Variants in TCERG1 observed in about 807,000 individuals in gnomAD.
TCERG1 encodes transcription elongation regulator 1, also known as TATA box binding protein (TBP)-associated factor, RNA polymerase II, S, 150kD.
A neutral mutation model predicts 144.7 loss-of-function variants in TCERG1; 37 were observed. That is an observed-to-expected ratio of 0.26 (90% CI 0.20 to 0.34). TCERG1 has a LOEUF of 0.34. Among genes scored for constraint, TCERG1 ranks in the 10% least tolerant of loss-of-function variants. TCERG1 has a pLI of 1.00. For missense variants in TCERG1, 1,027 were observed against 1,380.7 expected (o/e 0.74, Z 4.06); for synonymous variants, 492 against 458.2 (o/e 1.07, Z -0.94).
Position 146,459,319 on chromosome 5 carries a change from G to A in TCERG1, c.874G>A (p.Val292Ile). The change falls in exon 4 of 23, where the codon GTT becomes ATT. Residue 292 changes from valine (V) to isoleucine (I), a missense_variant. Around this residue, in one of 6 missense-constraint regions of TCERG1, gnomAD observed 187 missense variants for 169.1 expected, o/e 1.11. Transcript: ENST00000679501. The stretch of plus-strand genomic sequence containing the variant: ...TTCTACCACAACAACTGCTACTTCA[G>A]TTGCGCAGACAGTATCAAGTGAGTA... ...TTSTTTTATS[V>I]AQTVSTPTTQ... 1.9e-6 allele frequency: 3 copies of A among 1,614,152 alleles called. No individual in the cohort carries two copies. Among genetic ancestry groups the A allele is most frequent in the Non-Finnish European group, 2.5e-6 (3 of 1,179,992 alleles).
chr5:146,496,083 C>T (rs1484796990), intron 16 of TCERG1, among the ~76,000 whole-genome samples: 9 of 152,180 alleles, frequency 5.9e-5, no homozygotes, highest in Admixed American at 2.6e-4. Flanking sequence ...AACCTGGAGG[C>T]GGAGGTTGCA....
At chr5:146,463,436 C>G in intron 4 of TCERG1, 115 bp from the exon 5 acceptor site, 1 of 1,421,554 alleles carries the variant, frequency 7.0e-7, no homozygotes, top group South Asian at 1.4e-5. Context: ...AAATTTCTTG[C>G]AGTGCATAGA....
intron 22 of TCERG1, chr5:146,510,063 A>G (rs890861947): frequency 1.5e-6 from 2 of 1,291,484 alleles, no homozygotes; most frequent in South Asian, 1.2e-5. Flanking sequence ...CTACATTTTT[A>G]TAGTTAATTT....
intron 17 of TCERG1, chr5:146,499,547 C>T (rs1767243789): frequency 2.6e-5 from 4 of 152,138 alleles, no homozygotes. Context: ...AATTGTTTCA[C>T]TGTTTACTTA....
At chr5:146,474,266 C>A (rs1467899516) in intron 9 of TCERG1, among the ~76,000 whole-genome samples, 1 of 152,122 alleles carries the variant, frequency 6.6e-6, no homozygotes, top group East Asian at 1.9e-4. Flanking sequence ...TGAAGGAAGT[C>A]ACTGCAGATG....
chr5:146,453,431 G>T (rs945957871), intron 1 of TCERG1, among the ~76,000 whole-genome samples: 2 of 152,162 alleles, frequency 1.3e-5, no homozygotes, highest in South Asian at 4.1e-4. Flanking sequence ...TGAGGGTAAG[G>T]TATACCTATG....
intron 15 of TCERG1, among the ~76,000 whole-genome samples, chr5:146,490,110 T>C (rs1318780809): frequency 6.6e-6 from 1 of 152,204 alleles, no homozygotes; most frequent in Non-Finnish European, 1.5e-5. Flanking sequence ...TTTCTCCCTC[T>C]CTTCAGCATG....
intron 6 of TCERG1, among the ~76,000 whole-genome samples, chr5:146,469,039 G>A (rs1764044401): frequency 6.6e-6 from 1 of 152,008 alleles, no homozygotes; most frequent in African/African-American, 2.4e-5. Context: ...AGTAAACAAA[G>A]GGTATAAGGA....
Position 146,509,166 on chromosome 5 carries a change from G to A in TCERG1, c.3067G>A (p.Glu1023Lys). Residue 1023 changes from glutamate (E) to lysine (K), a missense_variant, in exon 22 of 23, where the codon GAA becomes AAA. Physicochemically the swap from Glu to Lys is moderately conservative, Grantham distance 56. Coordinates refer to ENST00000679501, the MANE Select transcript of TCERG1 (RefSeq NM_001382548.1). ...ACAGAAAAAACAAAGAGAATTTGAA[G>A]AATATATCAGAGACAAATATATCAC... ...SDRKKQREFEEYIRDKYITAK... is the reference protein window; with the variant it reads ...SDRKKQREFEKYIRDKYITAK... The A allele has an allele frequency of 6.3e-7, 1 of 1,582,700 alleles. No individual in the cohort carries two copies. The highest frequency in any genetic ancestry group is 8.6e-7 in the Non-Finnish European group (1 of 1,168,300).
chr5:146,496,452 T>G (rs1393917232), intron 16 of TCERG1, among the ~76,000 whole-genome samples: 1 of 152,194 alleles, frequency 6.6e-6, no homozygotes, highest in African/African-American at 2.4e-5. Flanking sequence ...CCTCTTTGGA[T>G]TAGATAATTG....
At chr5:146,451,990 G>T (rs1186489185) in intron 1 of TCERG1, among the ~76,000 whole-genome samples, 1 of 151,712 alleles carries the variant, frequency 6.6e-6, no homozygotes, top group Non-Finnish European at 1.5e-5. Flanking sequence ...GTTTTGCTAT[G>T]TTGGCCAGGC....
rs748124301 is a variant in TCERG1, at chr5:146,482,599, G to A, written c.1945G>A (p.Asp649Asn). The A allele has an allele frequency of 3.4e-5, 55 of 1,609,550 alleles. No homozygotes were observed. The highest frequency in any genetic ancestry group is 4.4e-5 in the South Asian group (4 of 90,356). ...IARASLFRRD[D>N]NKDIDSEKEA... The stretch of plus-strand genomic sequence containing the variant: ...ATATTTTATTTTTTATAGGAGAGAC[G>A]ATAATAAAGACATTGACTCAGAGAA... The change falls in exon 14 of 23, where the codon GAT becomes AAT. Residue 649 changes from aspartate to asparagine, a missense_variant. This residue lies in a region of TCERG1 where 482 missense variants were observed against 632.6 expected (regional missense o/e 0.76). Coordinates refer to ENST00000679501, the MANE Select transcript of TCERG1 (RefSeq NM_001382548.1).
At chr5:146,481,240 C>A in intron 13 of TCERG1, 40 bp downstream of exon 13, 1 of 920,790 alleles carries the variant, frequency 1.1e-6, no homozygotes, top group South Asian at 5.0e-5. Context: ...CTTAGTTTTT[C>A]TTTTATTTCC....
Position 146,458,979 on chromosome 5 carries a change from AGCCCAGGCACAGGTTCAG to A in TCERG1, c.537_554del (p.Val183_Gln188del). On this transcript the variant is annotated inframe_deletion, in exon 4 of 23. Transcript: ENST00000679501. ...AATCAGAACTGACACCTATGCTTGCAGCCCAGGCACAGGTTCAGGCTCAGGCCCAGGCGCAGGCTCAGG... is the reference window on the plus strand; with the variant it reads ...AATCAGAACTGACACCTATGCTTGCAGCTCAGGCCCAGGCGCAGGCTCAGG... 1 of 1,614,142 alleles carries A rather than the reference AGCCCAGGCACAGGTTCAG, an allele frequency of 6.2e-7. No individual in the cohort carries two copies.
chr5:146,503,880 C>T lies in TCERG1; in HGVS notation c.2655C>T (p.Ser885=), dbSNP rs763326702. The T allele has an allele frequency of 4.8e-5, 77 of 1,611,394 alleles. No homozygotes were observed. In the South Asian group the frequency reaches 7.1e-4, roughly 15 times the overall value. ...AAAGGCAAGCCCGCATTGAGGCAAGCCTTCGAGAACGAGAAAGGGAGGTTC... is the reference window on the plus strand; with the variant it reads ...AAAGGCAAGCCCGCATTGAGGCAAGTCTTCGAGAACGAGAAAGGGAGGTTC... The part of the protein sequence containing the change: ...ELERQARIEA[S]LREREREVQK... The change falls in exon 19 of 23, where the codon AGC becomes AGT. Residue 885 remains serine, a synonymous_variant. Transcript: ENST00000679501.
chr5:146,478,768 C>A (rs1026382964), intron 10 of TCERG1, 115 bp downstream of exon 10: 17 of 1,044,094 alleles, frequency 1.6e-5, no homozygotes, highest in South Asian at 6.7e-5. Context: ...AAGAAGCATT[C>A]GAAAAAAATA....
intron 10 of TCERG1, among the ~76,000 whole-genome samples, chr5:146,479,129 C>G (rs1186842461): frequency 6.6e-6 from 1 of 152,070 alleles, no homozygotes; most frequent in Non-Finnish European, 1.5e-5. Flanking sequence ...ATCTTTTAAT[C>G]TATCTCATAT....
intron 15 of TCERG1, among the ~76,000 whole-genome samples, chr5:146,486,261 T>A (rs1172363770): frequency 2.6e-5 from 4 of 152,268 alleles, no homozygotes; most frequent in Admixed American, 2.6e-4. Flanking sequence ...TACAAAATTA[T>A]ATTTCAGTTG....
chr5:146,461,535 G>A (rs1480400803), intron 4 of TCERG1, among the ~76,000 whole-genome samples: 2 of 152,024 alleles, frequency 1.3e-5, no homozygotes, highest in Non-Finnish European at 2.9e-5. Context: ...TTCTTTTCCT[G>A]TCGTGACTCA....
Sources: gnomAD v4.1 joint callset for allele counts (sites outside exome capture counted in the v4.1 genomes callset) on GRCh38, gnomAD v4.1.1 for gene constraint, gnomAD v4.1.1 regional missense constraint, MANE v1.5 for transcripts, NCBI Gene and HGNC (gene_info 2026-07-23, HGNC 2026-07-21) for gene names.